The following NPY5R variants were observed in gnomAD, a reference collection of about 807,000 sequenced individuals.
NPY5R encodes neuropeptide Y receptor Y5, also known as neuropeptide Y receptor type 5.
In NPY5R, 21 loss-of-function variants were observed where a neutral mutation model predicts 24.8. That is an observed-to-expected ratio of 0.85 (90% CI 0.60 to 1.22). NPY5R has a LOEUF of 1.22. Ranked by LOEUF, NPY5R falls within the 50% of genes most tolerant of loss-of-function variation. The pLI is 0.00. For synonymous variants in NPY5R, 175 were observed against 183.0 expected (o/e 0.96, Z 0.35); for missense variants, 481 against 521.3 (o/e 0.92, Z 0.75).
In NPY5R at chr4:163,350,673, T is replaced by C. The variant is rs762864161; in HGVS notation, c.400T>C (p.Ser134Pro). The C allele has an allele frequency of 8.7e-6, 14 of 1,614,004 alleles. No homozygotes were observed. Among genetic ancestry groups the C allele is most frequent in the Non-Finnish European group, 1.2e-5 (14 of 1,179,948 alleles). Residue 134 changes from serine to proline, a missense_variant, in exon 4 of 4, where the codon TCA becomes CCA. By Grantham distance (74) the Ser-to-Pro change is moderately conservative. Coordinates refer to ENST00000338566, the MANE Select transcript of NPY5R (RefSeq NM_006174.4). ...SVLVSTLILI[S>P]IAIVRYHMIK... ...TTTGGTTTCAACTTTAATTTTAATA[T>C]CAATTGCCATTGTCAGGTATCATAT...
At chr4:163,348,782 A>G (rs1235102836) in intron 3 of NPY5R, among the ~76,000 whole-genome samples, 1 of 151,968 alleles carries the variant, frequency 6.6e-6, no homozygotes, top group East Asian at 1.9e-4. Flanking sequence ...TCTAATATGT[A>G]GAGGTAAATA....
At chr4:163,346,537 T>C (rs1269229477) in intron 2 of NPY5R, among the ~76,000 whole-genome samples, 8 of 152,220 alleles carry the variant, frequency 5.3e-5, no homozygotes, top group Non-Finnish European at 1.0e-4. Flanking sequence ...TGTTCATTAA[T>C]AGAAGGAGCC....
At chr4:163,348,973 G>A (rs1735367969) in intron 3 of NPY5R, among the ~76,000 whole-genome samples, 1 of 150,304 alleles carries the variant, frequency 6.7e-6, no homozygotes. Flanking sequence ...ATCAACAGGT[G>A]AAATTTGATT....
intron 3 of NPY5R, among the ~76,000 whole-genome samples, chr4:163,349,109 C>T (rs1735373568): frequency 6.6e-6 from 1 of 152,144 alleles, no homozygotes; most frequent in Non-Finnish European, 1.5e-5. Flanking sequence ...AGCATTGCGT[C>T]CACACAGTCA....
Position 163,344,001 on chromosome 4 carries a change from G to C in NPY5R, c.-121+1G>C, listed in dbSNP as rs1475147630. ...CCTGCAGCGGCCGGGGCGCCCCGAG[G>C]TACGGGCTCCCGCCCCTCCCTGCCA... On this transcript the variant is annotated splice_donor_variant, in intron 1 of 3. Coordinates refer to ENST00000338566, the MANE Select transcript of NPY5R (RefSeq NM_006174.4). LOFTEE classifies it low-confidence loss of function (5UTR_SPLICE). 6.6e-6 allele frequency: 1 copy of C among 152,514 alleles called. No individual in the cohort carries two copies. The highest frequency in any genetic ancestry group is 6.5e-5 in the Admixed American group (1 of 15,290). 9.4% of individuals were successfully genotyped at this position (152,514 alleles called of 1,614,324 possible).
Position 163,351,402 on chromosome 4 carries a change from T to C in NPY5R, c.1129T>C (p.Phe377Leu), listed in dbSNP as rs1175394539. The C allele has an allele frequency of 8.7e-6, 14 of 1,612,964 alleles. No homozygotes were observed. Among genetic ancestry groups the C allele is most frequent in the Non-Finnish European group, 1.2e-5 (14 of 1,179,020 alleles). The change falls in exon 4 of 4, where the codon TTT becomes CTT. Residue 377 changes from phenylalanine (F) to leucine (L), a missense_variant. Phe to Leu is a conservative substitution (Grantham distance 22). Coordinates refer to ENST00000338566, the MANE Select transcript of NPY5R (RefSeq NM_006174.4). ...FYRLTILILVFAVSWMPLHLF... is the reference protein window; with the variant it reads ...FYRLTILILVLAVSWMPLHLF... ...CAGACTGACCATACTGATATTAGTA[T>C]TTGCTGTTAGTTGGATGCCACTACA...
At chr4:163,346,082 G>C (rs1735237403) in intron 2 of NPY5R, among the ~76,000 whole-genome samples, 1 of 152,124 alleles carries the variant, frequency 6.6e-6, no homozygotes, top group South Asian at 2.1e-4. Flanking sequence ...GTGGTAGATG[G>C]TGTGGGGTGG....
chr4:163,348,809 T>A (rs185894398), intron 3 of NPY5R, among the ~76,000 whole-genome samples: 10 of 152,250 alleles, frequency 6.6e-5, no homozygotes, highest in Non-Finnish European at 1.3e-4. Context: ...GCCATTGATG[T>A]ATGACATTAA....
In NPY5R at chr4:163,350,748, C is replaced by T. The variant is rs1309985850; in HGVS notation, c.475C>T (p.Leu159=). Reference sequence around the variant, plus strand: ...TTTAACAGCAAACCATGGCTACTTTCTGATAGCTACTGTCTGGACACTAGG... The same window carrying T: ...TTTAACAGCAAACCATGGCTACTTTTTGATAGCTACTGTCTGGACACTAGG... ...NNLTANHGYF[L]IATVWTLGFA... Residue 159 remains leucine (L), a synonymous_variant, in exon 4 of 4, where the codon CTG becomes TTG. Coordinates refer to ENST00000338566, the MANE Select transcript of NPY5R (RefSeq NM_006174.4). 3 of 1,614,068 alleles carry T rather than the reference C, an allele frequency of 1.9e-6. No homozygotes were observed. The highest frequency in any genetic ancestry group is 2.5e-6 in the Non-Finnish European group (3 of 1,180,018).
intron 2 of NPY5R, among the ~76,000 whole-genome samples, chr4:163,346,907 A>G (rs1157523139): frequency 1.3e-5 from 2 of 152,152 alleles, no homozygotes; most frequent in Non-Finnish European, 2.9e-5. Flanking sequence ...AACTATCTTT[A>G]TTGTCTGTCT....
Position 163,350,568 on chromosome 4 carries a change from C to T in NPY5R, c.295C>T (p.Leu99=). 1.9e-6 allele frequency: 3 copies of T among 1,614,168 alleles called. No homozygotes were observed. The highest frequency in any genetic ancestry group is 2.5e-6 in the Non-Finnish European group (3 of 1,180,014). ...LVVLFCSPFT[L]TSVLLDQWMF... ...TGTGCTGTTTTGCTCACCTTTCACA[C>T]TGACGTCTGTCTTGCTGGATCAGTG... is the stretch of plus-strand genomic sequence containing the variant. Residue 99 remains leucine, a synonymous_variant, in exon 4 of 4, where the codon CTG becomes TTG. Transcript: ENST00000338566.
chr4:163,344,488 C>A (rs1386819068), intron 1 of NPY5R: 2 of 152,234 alleles, frequency 1.3e-5, no homozygotes, highest in African/African-American at 4.8e-5. Context: ...CAGGGCTCAA[C>A]CCTAGCGGGT....
chr4:163,347,420 G>A (rs1048056512), intron 2 of NPY5R, 32 bp from the exon 3 acceptor site: 1 of 152,146 alleles, frequency 6.6e-6, no homozygotes, highest in African/African-American at 2.4e-5. Context: ...TTGTAGAAGG[G>A]GCCATCTAAT....
chr4:163,350,836 G>T lies in NPY5R; in HGVS notation c.563G>T (p.Gly188Val). 1 of 1,614,134 alleles carries T rather than the reference G, an allele frequency of 6.2e-7. No individual in the cohort carries two copies. The highest frequency in any genetic ancestry group is 8.5e-7 in the Non-Finnish European group (1 of 1,180,022). The change falls in exon 4 of 4, where the codon GGT becomes GTT. Residue 188 changes from glycine to valine, a missense_variant. Coordinates refer to ENST00000338566, the MANE Select transcript of NPY5R (RefSeq NM_006174.4). ...CTTGTGGAACTTCAAGAAACATTTGGTTCAGCATTGCTGAGCAGCAGGTAT... is the reference window on the plus strand; with the variant it reads ...CTTGTGGAACTTCAAGAAACATTTGTTTCAGCATTGCTGAGCAGCAGGTAT... ...HSLVELQETF[G>V]SALLSSRYLC...
rs566949813 is a variant in NPY5R at position 163,349,294 on chromosome 4, G to T, written c.-9-971G>T. On this transcript the variant is annotated intron_variant, in intron 3 of 3. Coordinates refer to ENST00000338566, the MANE Select transcript of NPY5R (RefSeq NM_006174.4). ...TCTCATAAACATTTATTTAATACCTGCAGTGATGAAGTTACTCTGCCATGT... is the reference window on the plus strand; with the variant it reads ...TCTCATAAACATTTATTTAATACCTTCAGTGATGAAGTTACTCTGCCATGT... The T allele has an allele frequency of 4.2e-6, 4 of 943,068 alleles. No homozygotes were observed. The East Asian group carries it at 4.7e-4, about 110-fold the overall frequency. The allele number at this position is 943,068 out of a possible 1,614,324, so 58.4% of individuals were successfully genotyped here.
At chr4:163,351,969 A>T (rs1341522845), downstream of NPY5R, 1 of 169,518 alleles carries the variant, frequency 5.9e-6, no homozygotes, top group Admixed American at 6.5e-5. Context: ...AATAAGAAAA[A>T]ATTTTTCTCG....
chr4:163,348,882 G>A (rs558290457), intron 3 of NPY5R, among the ~76,000 whole-genome samples: 208 of 152,214 alleles, frequency 1.4e-3, no homozygotes, highest in African/African-American at 4.8e-3. Flanking sequence ...CTACATTTAC[G>A]TTTAAGGTAT....
chr4:163,351,154 CA>C lies in NPY5R; in HGVS notation c.882del (p.Cys295ValfsTer25). 1 of 1,614,008 alleles carries C rather than the reference CA, an allele frequency of 6.2e-7. No individual in the cohort carries two copies. The highest frequency in any genetic ancestry group is 8.5e-7 in the Non-Finnish European group (1 of 1,179,902). ...AGAAGAAGATATAGCAAGAAGACAG[CA>C]TGTGTGTTACCTGCTCCAGAAAGAC... is the stretch of plus-strand genomic sequence containing the variant. Reference protein sequence around the residue: ...KHRRRYSKKTACVLPAPERPS... With the variant: ...KHRRRYSKKTXCVLPAPERPS... On this transcript the variant is annotated frameshift_variant, in exon 4 of 4. Transcript: ENST00000338566. LOFTEE classifies it high-confidence loss of function.
At position 163,351,190 on chromosome 4, in the gene NPY5R, A is replaced by G; in HGVS notation, c.917A>G (p.Glu306Gly). The part of the protein sequence containing the change: ...VLPAPERPSQ[E>G]NHSRILPENF... Reference sequence around the variant, plus strand: ...CCTGCTCCAGAAAGACCTTCTCAAGAGAACCACTCCAGAATACTTCCAGAA... The same window carrying G: ...CCTGCTCCAGAAAGACCTTCTCAAGGGAACCACTCCAGAATACTTCCAGAA... Residue 306 changes from glutamate (E) to glycine (G), a missense_variant, in exon 4 of 4, where the codon GAG (glutamate) becomes GGG (glycine). Glu to Gly is a moderately conservative substitution (Grantham distance 98). Transcript: ENST00000338566. 1 of 1,614,166 alleles carries G rather than the reference A, an allele frequency of 6.2e-7. No individual in the cohort carries two copies. The highest frequency in any genetic ancestry group is 1.7e-5 in the Admixed American group (1 of 60,034).
Sources: allele counts gnomAD v4.1 joint callset (sites outside exome capture counted in the v4.1 genomes callset), GRCh38; gene constraint gnomAD v4.1.1; transcripts MANE v1.5; gene names NCBI Gene and HGNC (gene_info 2026-07-23, HGNC 2026-07-21).